The following ABCA4 variants were observed in gnomAD, a reference collection of about 807,000 sequenced individuals.
ABCA4 encodes the protein ATP binding cassette subfamily A member 4.
Under a neutral mutation model 263.7 loss-of-function variants are expected in ABCA4, and 196 were observed. The ratio of observed to expected loss-of-function variants is 0.74; its 90% CI spans 0.66 to 0.84. The LOEUF (loss-of-function observed/expected upper bound fraction) is 0.84, where lower values mean the gene tolerates loss of function less well. ABCA4 is among the 40% of genes least tolerant of loss of function. The probability of loss-of-function intolerance (pLI) is 0.00; values close to 1 mark genes in which losing one functional copy is unlikely to be tolerated. For synonymous variants in ABCA4, 1,133 were observed against 1,094.2 expected, an observed-to-expected ratio of 1.04 and a Z score of -0.70; for missense variants, 2,792 against 2,855.1, an observed-to-expected ratio of 0.98 and a Z score of 0.50.
At chr1:94,088,747 A>G (rs908766383) in intron 6 of ABCA4, among the ~76,000 whole-genome samples, 1 of 152,192 alleles carries the variant, frequency 6.6e-6, no homozygotes, top group African/African-American at 2.4e-5. Flanking sequence ...AGGCTACTTT[A>G]GGAGGAAGCT....
intron 15 of ABCA4, among the ~76,000 whole-genome samples, chr1:94,055,620 A>G (rs1660956537): frequency 6.6e-6 from 1 of 152,184 alleles, no homozygotes. Flanking sequence ...ACCCAAGAAG[A>G]TGGCCTCAAA....
In ABCA4 at chr1:94,041,514, A is replaced by C. The variant is rs1004496063; in HGVS notation, c.3329-112T>G. 1.6e-4 allele frequency: 8 copies of C among 51,374 alleles called. No individual in the cohort carries two copies. The Admixed American group carries it at 6.7e-3, about 43-fold the overall frequency. The allele number at this position is 51,374 out of a possible 1,614,324, so 3.2% of individuals were successfully genotyped here. A position where few individuals can be genotyped will look rare whatever the true frequency, so the allele number is the denominator to read the frequency against. ...TAGTTGCAAAAATCAGGAGTTAACT[A>C]AAAAAAAAAACCCAAGGGAACTAAT... On this transcript the variant is annotated intron_variant, in intron 22 of 49. Transcript: ENST00000370225.
intron 6 of ABCA4, among the ~76,000 whole-genome samples, chr1:94,084,220 C>G (rs181647981): frequency 1.3e-5 from 2 of 152,216 alleles, no homozygotes; most frequent in African/African-American, 2.4e-5. Flanking sequence ...ATCACTGATC[C>G]TAGAGGAGTC....
chr1:94,091,579 T>TCACACACACACACA (rs35529737), intron 6 of ABCA4, among the ~76,000 whole-genome samples: 1 of 143,756 alleles, frequency 7.0e-6, no homozygotes, highest in African/African-American at 2.7e-5. Context: ...AAACATCATC[T>TCACACACACACACA]CACACACACA....
In ABCA4 at chr1:94,080,639, GTAAAGGTCTCTGGACCACCATTCTGCA is replaced by G. The variant is rs1440228037; in HGVS notation, c.911_937del (p.Met304_Phe312del). 1 of 1,614,028 alleles carries G rather than the reference GTAAAGGTCTCTGGACCACCATTCTGCA, an allele frequency of 6.2e-7. No individual in the cohort carries two copies. Among genetic ancestry groups the G allele is most frequent in the Non-Finnish European group, 8.5e-7 (1 of 1,180,046 alleles). Reference sequence around the variant, plus strand: ...GTCAGACAGGATGCCCATCAGCTTTGTAAAGGTCTCTGGACCACCATTCTGCATGAGGGGCCTGGTCACCCACAGCAA... The same window carrying G: ...GTCAGACAGGATGCCCATCAGCTTTGTGAGGGGCCTGGTCACCCACAGCAA... On this transcript the variant is annotated inframe_deletion, in exon 8 of 50. Transcript: ENST00000370225.
At chr1:94,119,173 G>T (rs1662881528) in intron 1 of ABCA4, among the ~76,000 whole-genome samples, 1 of 151,332 alleles carries the variant, frequency 6.6e-6, no homozygotes. Context: ...TAATCATGAG[G>T]TTTTTTTTTC....
intron 6 of ABCA4, among the ~76,000 whole-genome samples, chr1:94,085,347 A>T (rs906341920): frequency 6.6e-6 from 1 of 152,240 alleles, no homozygotes; most frequent in Non-Finnish European, 1.5e-5. Context: ...CTCTACTTTC[A>T]TACTTTTTTC....
chr1:94,018,874 A>G (rs1485329552), intron 36 of ABCA4, among the ~76,000 whole-genome samples: 1 of 151,434 alleles, frequency 6.6e-6, no homozygotes, highest in Non-Finnish European at 1.5e-5. Flanking sequence ...GATTTAATAA[A>G]TATTTTTTCT....
rs1196754882 is a variant in ABCA4, at chr1:94,055,770, A to G, written c.2383-455T>C. Among the ~76,000 whole-genome samples, 7 of 152,190 alleles carry G rather than the reference A, an allele frequency of 4.6e-5. No individual in the cohort carries two copies. The East Asian group carries it at 1.3e-3, about 29-fold the overall frequency. On this transcript the variant is annotated intron_variant, in intron 15 of 49. Transcript: ENST00000370225. ...ATGGCAGCAATTGATTTCTTATTTA[A>G]CCTAAGAAATGAAAGGCAGATGCCC...
At chr1:94,052,658 G>A (rs751348523) in intron 16 of ABCA4, among the ~76,000 whole-genome samples, 188 of 152,288 alleles carry the variant, frequency 1.2e-3, no homozygotes, top group Non-Finnish European at 2.4e-3. Context: ...TAGTAGGATA[G>A]AAAAAACAGA....
At chr1:94,092,764 A>G (rs563565381) in intron 6 of ABCA4, among the ~76,000 whole-genome samples, 1 of 152,280 alleles carries the variant, frequency 6.6e-6, no homozygotes, top group South Asian at 2.1e-4. Flanking sequence ...TGGAATCTAG[A>G]GGCAGCCAAA....
intron 27 of ABCA4, 74 bp downstream of exon 27, chr1:94,031,704 G>A: frequency 6.3e-7 from 1 of 1,591,890 alleles, no homozygotes; most frequent in Non-Finnish European, 8.6e-7. Flanking sequence ...ATGCCTGAAG[G>A]AACACTCAGG....
intron 2 of ABCA4, among the ~76,000 whole-genome samples, chr1:94,112,158 C>T (rs79845052): frequency 7.2e-5 from 11 of 152,096 alleles, no homozygotes; most frequent in Admixed American, 2.0e-4. Context: ...CATAGAGGGC[C>T]GGAAACCAGG....
At chr1:94,028,358 G>C (rs553629751) in intron 30 of ABCA4, among the ~76,000 whole-genome samples, 9 of 152,242 alleles carry the variant, frequency 5.9e-5, no homozygotes, top group Non-Finnish European at 1.0e-4. Context: ...AATCTGTTCT[G>C]GACTTTAGAA....
In ABCA4 at chr1:94,036,445, C is replaced by T. The variant is rs144019938; in HGVS notation, c.3862+295G>A. ...AGGCTGCAGTGCAGTGGCACAATCT[C>T]TGCTCACTGCAACCTCTGCCTCCCA... is the stretch of plus-strand genomic sequence containing the variant. On this transcript the variant is annotated intron_variant, in intron 26 of 49. Coordinates refer to ENST00000370225, the MANE Select transcript of ABCA4 (RefSeq NM_000350.3). Among the ~76,000 whole-genome samples, 820 of 150,980 alleles carry T rather than the reference C, an allele frequency of 5.4e-3. 8 individuals carry two copies. Among genetic ancestry groups the T allele is most frequent in the African/African-American group, 0.019 (780 of 40,972 alleles).
At position 94,117,832 on chromosome 1, in the gene ABCA4, G is replaced by A. The variant is rs184207118; in HGVS notation, c.66+3148C>T. Among the ~76,000 whole-genome samples, 6 of 152,276 alleles carry A rather than the reference G, an allele frequency of 3.9e-5. No homozygotes were observed. In the East Asian group the frequency reaches 1.2e-3, roughly 29 times the overall value. ...CTGCCTGGTTCTGAACTCCATGAAGGCAGTGGCTGTGTCTAGCTTACCTTG... is the reference window on the plus strand; with the variant it reads ...CTGCCTGGTTCTGAACTCCATGAAGACAGTGGCTGTGTCTAGCTTACCTTG... On this transcript the variant is annotated intron_variant, in intron 1 of 49. Coordinates refer to ENST00000370225, the MANE Select transcript of ABCA4 (RefSeq NM_000350.3).
At chr1:94,104,313 T>G (rs1452000045) in intron 4 of ABCA4, among the ~76,000 whole-genome samples, 1 of 152,168 alleles carries the variant, frequency 6.6e-6, no homozygotes, top group Non-Finnish European at 1.5e-5. Context: ...CCCGAGTGCT[T>G]CAGGGGCATG....
intron 11 of ABCA4, among the ~76,000 whole-genome samples, chr1:94,072,387 T>C (rs1384877768): frequency 6.6e-6 from 1 of 152,212 alleles, no homozygotes; most frequent in Non-Finnish European, 1.5e-5. Context: ...ATCAGCTTCC[T>C]GATGTGAAAT....
chr1:94,111,244 G>T (rs1306282734), intron 3 of ABCA4, among the ~76,000 whole-genome samples, 194 bp downstream of exon 3: 2 of 152,242 alleles, frequency 1.3e-5, no homozygotes, highest in Non-Finnish European at 2.9e-5. Flanking sequence ...TTAGCTTGGA[G>T]ATTTCTCCCC....
Sources: allele counts gnomAD v4.1 joint callset (sites outside exome capture counted in the v4.1 genomes callset), GRCh38; gene constraint gnomAD v4.1.1; transcripts MANE v1.5; gene names NCBI Gene and HGNC (gene_info 2026-07-23, HGNC 2026-07-21).